Variants in CRACD observed in about 807,000 individuals in gnomAD.
CRACD encodes capping protein inhibiting regulator of actin dynamics, also known as capping protein-inhibiting regulator of actin dynamics.
In CRACD, 56 loss-of-function variants were observed where a neutral mutation model predicts 106.8. The observed-to-expected ratio is 0.52, with a 90% CI of 0.42 to 0.66. CRACD has a LOEUF of 0.66. Ranked by LOEUF, CRACD falls within the 30% of genes least tolerant of loss-of-function variation. CRACD has a pLI of 0.00. For synonymous variants in CRACD, 754 were observed against 670.8 expected (o/e 1.12, Z -1.92); for missense variants, 1,730 against 1,623.2 (o/e 1.07, Z -1.13).
intron 1 of CRACD, among the ~76,000 whole-genome samples, chr4:56,074,699 C>T (rs946977604): frequency 7.9e-5 from 12 of 152,054 alleles, no homozygotes; most frequent in Admixed American, 5.9e-4. Flanking sequence ...GCCTGATTGC[C>T]GTGGCTGGAA....
At position 56,070,770 on chromosome 4, in the gene CRACD, C is replaced by T. The variant is rs115574941; in HGVS notation, c.-336+21471C>T. On this transcript the variant is annotated intron_variant, in intron 1 of 10. Transcript: ENST00000682029. The stretch of plus-strand genomic sequence containing the variant: ...CACTTTTAGCTTCCAGCCCCCCTGC[C>T]GTTTCTGTAGACTTTTCCTACCTGT... Among the ~76,000 whole-genome samples, 786 of 151,082 alleles carry T rather than the reference C, an allele frequency of 5.2e-3. 9 individuals are homozygous for T. The highest frequency in any genetic ancestry group is 0.018 in the African/African-American group (735 of 41,082).
At chr4:56,253,615 T>C (rs17752390) in intron 2 of CRACD, among the ~76,000 whole-genome samples, 28,123 of 152,186 alleles carry the variant, frequency 0.18, 3,270 homozygotes, top group Non-Finnish European at 0.25. Flanking sequence ...CTCAGCCATG[T>C]TAAAAGCAAA....
chr4:56,310,757 A>G (rs778547487), intron 6 of CRACD, 23 bp downstream of exon 6: 7 of 1,495,152 alleles, frequency 4.7e-6, no homozygotes, highest in Non-Finnish European at 6.5e-6. Context: ...GAACTTATTT[A>G]TTTGGCTTCT....
intron 3 of CRACD, among the ~76,000 whole-genome samples, chr4:56,296,018 T>C (rs950325209): frequency 9.2e-5 from 14 of 152,266 alleles, no homozygotes; most frequent in Admixed American, 2.6e-4. Context: ...GTTATTTAGC[T>C]GAAGACGTAT....
rs190405619 is a variant in CRACD, at chr4:56,269,337, C to T, written c.-188-2984C>T. ...GGTGGAGGTTACAGTGAGCCAAGATCGCGCCACTGCACTCCAACCTGGGCG... is the reference window on the plus strand; with the variant it reads ...GGTGGAGGTTACAGTGAGCCAAGATTGCGCCACTGCACTCCAACCTGGGCG... On this transcript the variant is annotated intron_variant, in intron 2 of 10. Coordinates refer to ENST00000682029, the MANE Select transcript of CRACD (RefSeq NM_001393381.1). Among the ~76,000 whole-genome samples the T allele has an allele frequency of 5.3e-4, 81 of 151,870 alleles. 1 individual carries two copies. Among genetic ancestry groups the T allele is most frequent in the African/African-American group, 1.9e-3 (80 of 41,442 alleles).
At chr4:56,299,651 T>C (rs1177182395) in intron 4 of CRACD, among the ~76,000 whole-genome samples, 1 of 148,282 alleles carries the variant, frequency 6.7e-6, no homozygotes, top group African/African-American at 2.5e-5. Context: ...TCCTGGGTGA[T>C]AGAGTGAGAG....
chr4:56,143,581 G>A (rs1304770100), intron 1 of CRACD, among the ~76,000 whole-genome samples: 2 of 151,990 alleles, frequency 1.3e-5, no homozygotes, highest in African/African-American at 2.4e-5. Flanking sequence ...AAATGTTCAT[G>A]ATCATTTATC....
intron 1 of CRACD, among the ~76,000 whole-genome samples, chr4:56,128,996 T>TA (rs1734742386): frequency 6.6e-6 from 1 of 152,134 alleles, no homozygotes; most frequent in Non-Finnish European, 1.5e-5. Flanking sequence ...GACCTATTTT[T>TA]AAAAAAACTA....
intron 4 of CRACD, among the ~76,000 whole-genome samples, chr4:56,306,143 G>T (rs968631836): frequency 6.6e-6 from 1 of 152,180 alleles, no homozygotes; most frequent in South Asian, 2.1e-4. Flanking sequence ...GGGGTTTGGA[G>T]TAGGTGATTG....
chr4:56,226,258 A>G (rs1447635520), intron 2 of CRACD, among the ~76,000 whole-genome samples: 1 of 152,204 alleles, frequency 6.6e-6, no homozygotes, highest in Non-Finnish European at 1.5e-5. Flanking sequence ...GAACTAAACT[A>G]GACCAAACCA....
intron 1 of CRACD, among the ~76,000 whole-genome samples, chr4:56,156,262 G>A (rs552581242): frequency 1.3e-5 from 2 of 152,216 alleles, no homozygotes; most frequent in Middle Eastern, 3.4e-3. Context: ...GCACCTGGCC[G>A]AATGTTGTCA....
In CRACD at chr4:56,328,290, A is replaced by G. The variant is rs1207971081; in HGVS notation, c.*486A>G. The G allele has an allele frequency of 3.9e-6, 2 of 517,674 alleles. No individual in the cohort carries two copies. The highest frequency in any genetic ancestry group is 7.7e-6 in the Non-Finnish European group (2 of 259,276). The allele number at this position is 517,674 out of a possible 1,614,324, so 32.1% of individuals were successfully genotyped here. A position where few individuals can be genotyped will look rare whatever the true frequency, so the allele number is the denominator to read the frequency against. Reference sequence around the variant, plus strand: ...ATCATATCTAGCTAAAAGCAAGAACACCCATTCTCCTGAATGCAGTGAGTA... The same window carrying G: ...ATCATATCTAGCTAAAAGCAAGAACGCCCATTCTCCTGAATGCAGTGAGTA... On this transcript the variant is annotated 3_prime_UTR_variant, in exon 11 of 11. Coordinates refer to ENST00000682029, the MANE Select transcript of CRACD (RefSeq NM_001393381.1).
intron 4 of CRACD, among the ~76,000 whole-genome samples, chr4:56,303,623 A>G (rs1408533246): frequency 6.6e-6 from 1 of 152,244 alleles, no homozygotes; most frequent in Non-Finnish European, 1.5e-5. Flanking sequence ...TTGATACAAT[A>G]AATCACACAA....
At chr4:56,133,650 C>G (rs907052843) in intron 1 of CRACD, among the ~76,000 whole-genome samples, 11 of 152,052 alleles carry the variant, frequency 7.2e-5, no homozygotes, top group African/African-American at 2.7e-4. Context: ...GAAAACAAAC[C>G]TTAAACATGA....
At chr4:56,254,957 T>A (rs56093882) in intron 2 of CRACD, among the ~76,000 whole-genome samples, 3,887 of 150,984 alleles carry the variant, frequency 0.026, 162 homozygotes, top group African/African-American at 0.085. Flanking sequence ...TACAAAAAAA[T>A]AATAATAATA....
At chr4:56,100,771 C>T (rs1733752221) in intron 1 of CRACD, among the ~76,000 whole-genome samples, 1 of 152,176 alleles carries the variant, frequency 6.6e-6, no homozygotes. Context: ...ACTCTGTTGG[C>T]ACCTTGGTCT....
chr4:56,104,706 G>C (rs1156860418), intron 1 of CRACD, among the ~76,000 whole-genome samples: 1 of 152,156 alleles, frequency 6.6e-6, no homozygotes. Flanking sequence ...CGTGGCTCAC[G>C]CCTGTAATCC....
Position 56,141,682 on chromosome 4 carries a change from ATT to A in CRACD, c.-335-37575_-335-37574del, listed in dbSNP as rs1171920777. ...TAAGTATCTAAACTAAGGAAGTACTATTTTTTTTTTTTTTTTTTTTTTTTTTT... is the reference window on the plus strand; with the variant it reads ...TAAGTATCTAAACTAAGGAAGTACTATTTTTTTTTTTTTTTTTTTTTTTTT... On this transcript the variant is annotated intron_variant, in intron 1 of 10. Transcript: ENST00000682029. Among the ~76,000 whole-genome samples, 704 of 82,664 alleles carry A rather than the reference ATT, an allele frequency of 8.5e-3. 11 individuals are homozygous for A. Among genetic ancestry groups the A allele is most frequent in the African/African-American group, 0.033 (635 of 18,994 alleles). The allele number at this position is 82,664 out of a possible 152,430, so 54.2% of individuals were successfully genotyped here.
chr4:56,132,854 A>T (rs1008583980), intron 1 of CRACD, among the ~76,000 whole-genome samples: 1 of 152,150 alleles, frequency 6.6e-6, no homozygotes. Flanking sequence ...CGTTCTCATC[A>T]ATTAGCTAAT....
Sources: gnomAD v4.1 joint callset for allele counts (sites outside exome capture counted in the v4.1 genomes callset) on GRCh38, gnomAD v4.1.1 for gene constraint, MANE v1.5 for transcripts, NCBI Gene and HGNC (gene_info 2026-07-23, HGNC 2026-07-21) for gene names.